The following PAH variants were observed in gnomAD, a reference collection of about 807,000 sequenced individuals.
The protein encoded by PAH is phenylalanine-4-hydroxylase.
In PAH, 64 loss-of-function variants were observed where a neutral mutation model predicts 62.0. The ratio of observed to expected loss-of-function variants is 1.03; its 90% CI spans 0.84 to 1.27. PAH has a LOEUF of 1.27. Among genes scored for constraint, PAH ranks in the 50% most tolerant of loss-of-function variants. The pLI is 0.00. For synonymous variants in PAH, 195 were observed against 196.2 expected, an observed-to-expected ratio of 0.99 and a Z score of 0.05; for missense variants, 579 against 542.8, an observed-to-expected ratio of 1.07 and a Z score of -0.66.
chr12:102,865,017 T>C (rs1026974789), intron 5 of PAH, among the ~76,000 whole-genome samples: 5 of 152,170 alleles, frequency 3.3e-5, no homozygotes, highest in African/African-American at 1.2e-4. Context: ...GATTCATCTA[T>C]AAAAGGTGAG....
At chr12:102,902,546 C>A (rs1358795432) in intron 2 of PAH, among the ~76,000 whole-genome samples, 2 of 152,168 alleles carry the variant, frequency 1.3e-5, no homozygotes, top group Non-Finnish European at 2.9e-5. Flanking sequence ...CAAGGAGATA[C>A]TGATGGAACT....
At chr12:102,904,788 T>C (rs528576821) in intron 2 of PAH, 28 of 505,034 alleles carry the variant, frequency 5.5e-5, no homozygotes, top group African/African-American at 3.1e-4. Flanking sequence ...CACAAAGATG[T>C]TGGGAGAGAT....
chr12:102,876,184 C>T (rs551610438), intron 4 of PAH, among the ~76,000 whole-genome samples: 1 of 152,158 alleles, frequency 6.6e-6, no homozygotes, highest in South Asian at 2.1e-4. Context: ...TGCTTTTCAT[C>T]TTCCTCCTCA....
Position 102,905,674 on chromosome 12 carries a change from T to TC in PAH, c.168+7116dup, listed in dbSNP as rs373598059. Among the ~76,000 whole-genome samples, 497 of 152,184 alleles carry TC rather than the reference T, an allele frequency of 3.3e-3. 5 individuals carry two copies. Among genetic ancestry groups the TC allele is most frequent in the African/African-American group, 0.011 (436 of 41,522 alleles). ...CTAAGATCAGTATGGCATCGCTGAC[T>TC]CCCCACAGCACTGTGATGAGTATTA... is the stretch of plus-strand genomic sequence containing the variant. On this transcript the variant is annotated intron_variant, in intron 2 of 12. Coordinates refer to ENST00000553106, the MANE Select transcript of PAH (RefSeq NM_000277.3).
At chr12:102,896,446 T>C (rs977368108) in intron 2 of PAH, among the ~76,000 whole-genome samples, 4 of 152,216 alleles carry the variant, frequency 2.6e-5, no homozygotes, top group African/African-American at 9.7e-5. Flanking sequence ...AGGAAGAATA[T>C]GATCTCATAG....
intron 10 of PAH, 73 bp downstream of exon 10, chr12:102,844,263 T>A: frequency 9.4e-7 from 1 of 1,058,282 alleles, no homozygotes; most frequent in Non-Finnish European, 1.5e-6. Context: ...GTTTCAACAA[T>A]ATTGAAAGCA....
At chr12:102,894,501 A>G (rs1007751755) in intron 3 of PAH, among the ~76,000 whole-genome samples, 1 of 151,836 alleles carries the variant, frequency 6.6e-6, no homozygotes, top group African/African-American at 2.4e-5. Context: ...CTATATGTCT[A>G]AAATATACCA....
At chr12:102,921,858 ATTTGAAAG>A (rs952932555), upstream of PAH, among the ~76,000 whole-genome samples, 236 of 152,220 alleles carry the variant, frequency 1.6e-3, 1 homozygote, top group African/African-American at 5.3e-3. Flanking sequence ...TCTTTCTCTG[ATTTGAAAG>A]TTATCCCTTA....
At chr12:102,910,106 G>C (rs1878143553) in intron 2 of PAH, among the ~76,000 whole-genome samples, 1 of 152,100 alleles carries the variant, frequency 6.6e-6, no homozygotes. Context: ...AGGTTCTGTT[G>C]AGGATATAAA....
At position 102,839,114 on chromosome 12, in the gene PAH, A is replaced by G; in HGVS notation, c.*61T>C. 1 of 1,503,256 alleles carries G rather than the reference A, an allele frequency of 6.7e-7. No individual in the cohort carries two copies. Among genetic ancestry groups the G allele is most frequent in the Non-Finnish European group, 9.3e-7 (1 of 1,079,896 alleles). 93.1% of individuals were successfully genotyped at this position (1,503,256 alleles called of 1,614,324 possible). ...TGCTTTTCGGACTTTTTCTGATGAAAGAAATAGTTGGATCTCCATCAACAG... is the reference window on the plus strand; with the variant it reads ...TGCTTTTCGGACTTTTTCTGATGAAGGAAATAGTTGGATCTCCATCAACAG... On this transcript the variant is annotated 3_prime_UTR_variant, in exon 13 of 13. Transcript: ENST00000553106.
chr12:102,866,230 CTT>C (rs1304237881), intron 5 of PAH, among the ~76,000 whole-genome samples: 1 of 152,088 alleles, frequency 6.6e-6, no homozygotes, highest in African/African-American at 2.4e-5. Flanking sequence ...AAATGATTCT[CTT>C]TTTCCTTCTT....
intron 1 of PAH, among the ~76,000 whole-genome samples, chr12:102,931,900 C>T (rs1185025977): frequency 6.6e-6 from 1 of 152,114 alleles, no homozygotes; most frequent in Non-Finnish European, 1.5e-5. Context: ...CATGTGGCAG[C>T]CCCTGTACTA....
chr12:102,916,306 A>G (rs1265802349), intron 1 of PAH, among the ~76,000 whole-genome samples: 2 of 152,108 alleles, frequency 1.3e-5, no homozygotes, highest in Non-Finnish European at 2.9e-5. Flanking sequence ...GCAGACTTAC[A>G]TTATTTCCCT....
At chr12:102,885,400 G>A (rs867655868) in intron 3 of PAH, among the ~76,000 whole-genome samples, 5 of 152,204 alleles carry the variant, frequency 3.3e-5, no homozygotes, top group Admixed American at 1.3e-4. Context: ...TACCTCGGCC[G>A]GTGGGCTGGC....
intron 1 of PAH, among the ~76,000 whole-genome samples, chr12:102,942,868 G>A (rs543596387): frequency 6.6e-6 from 1 of 152,304 alleles, no homozygotes; most frequent in African/African-American, 2.4e-5. Context: ...GCCATATGCT[G>A]AAGATTGAAA....
intron 11 of PAH, among the ~76,000 whole-genome samples, chr12:102,842,120 C>A (rs1354812267): frequency 2.0e-5 from 3 of 152,218 alleles, no homozygotes; most frequent in Non-Finnish European, 2.9e-5. Context: ...CTCTTCCCTG[C>A]TGGTCTGGGA....
At chr12:102,926,300 C>A (rs988780913) in intron 1 of PAH, among the ~76,000 whole-genome samples, 3 of 151,904 alleles carry the variant, frequency 2.0e-5, no homozygotes, top group Non-Finnish European at 4.4e-5. Flanking sequence ...TATGGAAAGG[C>A]TCCAAATGCA....
chr12:102,869,449 T>C (rs1876205823), intron 4 of PAH, among the ~76,000 whole-genome samples: 2 of 152,334 alleles, frequency 1.3e-5, no homozygotes, highest in Middle Eastern at 3.4e-3. Context: ...TCTTGAAAAC[T>C]ATTTATGCTT....
intron 1 of PAH, among the ~76,000 whole-genome samples, chr12:102,931,128 A>G (rs544724597): frequency 6.6e-6 from 1 of 152,350 alleles, no homozygotes; most frequent in African/African-American, 2.4e-5. Flanking sequence ...GCATTTTGCC[A>G]GCCTTCAATA....
Sources: gnomAD v4.1 joint callset for allele counts (sites outside exome capture counted in the v4.1 genomes callset) on GRCh38, gnomAD v4.1.1 for gene constraint, MANE v1.5 for transcripts, NCBI Gene and HGNC (gene_info 2026-07-23, HGNC 2026-07-21) for gene names.